RSBN1L: variants seen among roughly 807,000 people sequenced by gnomAD.
The protein encoded by RSBN1L is round spermatid basic protein 1 like.
RSBN1L carries 30 observed loss-of-function variants against 67.7 expected under a neutral mutation model. That is an observed-to-expected ratio of 0.44 (90% CI 0.33 to 0.60). The LOEUF is 0.60. RSBN1L is among the 20% of genes least tolerant of loss of function. The pLI is 0.02. For synonymous variants in RSBN1L, 433 were observed against 387.0 expected (o/e 1.12, Z -1.39); for missense variants, 992 against 1,031.7 (o/e 0.96, Z 0.53).
At position 77,778,896 on chromosome 7, in the gene RSBN1L, A is replaced by G. The variant is rs188957022; in HGVS notation, c.2269A>G (p.Ile757Val). 325 of 1,613,996 alleles carry G rather than the reference A, an allele frequency of 2.0e-4. 2 individuals are homozygous for G. The East Asian group carries it at 4.7e-3, about 23-fold the overall frequency. ...ATTACAGCAGATTAAACATGAACCT[A>G]TTGCATCTGTAAGAATCAAGGAAGA... The part of the protein sequence containing the change: ...YELQQIKHEP[I>V]ASVRIKEEPV... Residue 757 changes from isoleucine to valine, a missense_variant, in exon 8 of 8, where the codon ATT becomes GTT. Physicochemically the swap from Ile to Val is conservative, Grantham distance 29 (BLOSUM62 3). Transcript: ENST00000334955.
chr7:77,738,344 A>G (rs957668339), intron 2 of RSBN1L, among the ~76,000 whole-genome samples: 21 of 152,208 alleles, frequency 1.4e-4, no homozygotes, highest in African/African-American at 2.9e-4. Flanking sequence ...GAAGTAGACA[A>G]AAATTTAGGT....
chr7:77,764,900 G>A (rs1275633415), intron 3 of RSBN1L, among the ~76,000 whole-genome samples: 2 of 152,090 alleles, frequency 1.3e-5, no homozygotes, highest in Non-Finnish European at 2.9e-5. Flanking sequence ...CAAAGTGCTG[G>A]GATTACAGGT....
In RSBN1L at chr7:77,736,407, C is replaced by T. The variant is rs1311041583; in HGVS notation, c.587-3C>T. The T allele has an allele frequency of 1.9e-5, 19 of 993,024 alleles. No individual in the cohort carries two copies. The Admixed American group carries it at 5.5e-4, about 29-fold the overall frequency. The allele number at this position is 993,024 out of a possible 1,614,324, so 61.5% of individuals were successfully genotyped here. ...TAAATATTTCCTTTGTTTTGTCTTC[C>T]AGATAAAATCAAAGACAAAATTAAA... On this transcript the variant is annotated splice_polypyrimidine_tract_variant and splice_region_variant and intron_variant, in intron 1 of 7. Coordinates refer to ENST00000334955, the MANE Select transcript of RSBN1L (RefSeq NM_198467.3).
intron 1 of RSBN1L, among the ~76,000 whole-genome samples, chr7:77,714,194 T>A (rs1315168965): frequency 6.6e-6 from 1 of 152,242 alleles, no homozygotes; most frequent in Admixed American, 6.5e-5. Flanking sequence ...GATATTCTTA[T>A]TCAGAATTTT....
intron 1 of RSBN1L, among the ~76,000 whole-genome samples, chr7:77,699,566 G>A (rs573125345): frequency 4.6e-5 from 7 of 152,154 alleles, no homozygotes; most frequent in Non-Finnish European, 8.8e-5. Flanking sequence ...CTAATTGAAA[G>A]ATGGGTGAAT....
intron 1 of RSBN1L, among the ~76,000 whole-genome samples, chr7:77,698,287 T>C (rs1790768512): frequency 2.0e-5 from 3 of 152,232 alleles, no homozygotes; most frequent in African/African-American, 7.2e-5. Context: ...GTGTTGTTTC[T>C]AGGAAAGTGG....
chr7:77,732,298 C>G (rs960413484), intron 1 of RSBN1L, among the ~76,000 whole-genome samples: 1 of 152,162 alleles, frequency 6.6e-6, no homozygotes, highest in Admixed American at 6.5e-5. Flanking sequence ...TGTTTTCCAT[C>G]ACTTCTGTAT....
At position 77,711,544 on chromosome 7, in the gene RSBN1L, T is replaced by C. The variant is rs192525347; in HGVS notation, c.586+14489T>C. Among the ~76,000 whole-genome samples, 716 of 152,212 alleles carry C rather than the reference T, an allele frequency of 4.7e-3. 9 individuals carry two copies. Among genetic ancestry groups the C allele is most frequent in the African/African-American group, 0.016 (673 of 41,522 alleles). On this transcript the variant is annotated intron_variant, in intron 1 of 7. Transcript: ENST00000334955. ...TTTTCATAGATATGGCTTCTTGCTG[T>C]GTTGCTCAGGCTGGTCTTGAACTCC...
chr7:77,758,070 A>G (rs1465132209), intron 3 of RSBN1L, among the ~76,000 whole-genome samples: 1 of 152,198 alleles, frequency 6.6e-6, no homozygotes, highest in East Asian at 1.9e-4. Flanking sequence ...TGATAATGCT[A>G]TCCTCTAGGT....
At chr7:77,768,451 A>G (rs1355789787) in intron 4 of RSBN1L, 3 of 521,616 alleles carry the variant, frequency 5.8e-6, no homozygotes, top group African/African-American at 1.9e-5. Flanking sequence ...GAACCATCCA[A>G]GCATAATTAT....
chr7:77,725,221 C>G (rs1262494117), intron 1 of RSBN1L, among the ~76,000 whole-genome samples: 1 of 114,396 alleles, frequency 8.7e-6, no homozygotes, highest in African/African-American at 3.6e-5. Context: ...CTTTTTCTTT[C>G]TTCCCTAGGG....
At chr7:77,766,325 C>G (rs1300018254) in intron 4 of RSBN1L, among the ~76,000 whole-genome samples, 1 of 152,188 alleles carries the variant, frequency 6.6e-6, no homozygotes, top group African/African-American at 2.4e-5. Flanking sequence ...CCTCGGATTA[C>G]AGGCACATGC....
At chr7:77,728,691 CT>C (rs1791237871) in intron 1 of RSBN1L, among the ~76,000 whole-genome samples, 1 of 152,204 alleles carries the variant, frequency 6.6e-6, no homozygotes, top group Admixed American at 6.5e-5. Flanking sequence ...AATTGTTTTC[CT>C]GCAGGAGAAC....
intron 1 of RSBN1L, among the ~76,000 whole-genome samples, chr7:77,697,522 T>C (rs1287458515): frequency 6.6e-6 from 1 of 152,144 alleles, no homozygotes; most frequent in African/African-American, 2.4e-5. Context: ...GAGAGAGCAC[T>C]GGCGTCAGCT....
At chr7:77,745,242 C>T (rs917310768) in intron 2 of RSBN1L, among the ~76,000 whole-genome samples, 1 of 108,266 alleles carries the variant, frequency 9.2e-6, no homozygotes, top group African/African-American at 3.5e-5. Context: ...GCCTGGGAAA[C>T]AAAAAGCAAA....
At chr7:77,717,589 G>A (rs1791064647) in intron 1 of RSBN1L, among the ~76,000 whole-genome samples, 1 of 152,130 alleles carries the variant, frequency 6.6e-6, no homozygotes, top group African/African-American at 2.4e-5. Flanking sequence ...AAGAAAAATG[G>A]CAAAATCGAT....
intron 1 of RSBN1L, among the ~76,000 whole-genome samples, chr7:77,725,244 CTTTTTTTT>C (rs779531960): frequency 4.1e-5 from 3 of 73,644 alleles, no homozygotes; most frequent in African/African-American, 2.0e-4. Context: ...AAGCCCCCCA[CTTTTTTTT>C]TTTTTTTTTT....
chr7:77,699,039 C>G (rs529646899), intron 1 of RSBN1L, among the ~76,000 whole-genome samples: 11 of 152,104 alleles, frequency 7.2e-5, no homozygotes, highest in Non-Finnish European at 1.3e-4. Flanking sequence ...ACATATATGC[C>G]TTTATTATAG....
chr7:77,718,799 A>G (rs1791079793), intron 1 of RSBN1L, among the ~76,000 whole-genome samples: 1 of 152,228 alleles, frequency 6.6e-6, no homozygotes, highest in Admixed American at 6.5e-5. Context: ...TTTGTGAATC[A>G]CAAATTCTGG....
Sources: allele counts gnomAD v4.1 joint callset (sites outside exome capture counted in the v4.1 genomes callset), GRCh38; gene constraint gnomAD v4.1.1; transcripts MANE v1.5; gene names NCBI Gene and HGNC (gene_info 2026-07-23, HGNC 2026-07-21).